LRRTM4: variants seen among roughly 807,000 people sequenced by gnomAD.
LRRTM4 encodes the protein leucine rich repeat transmembrane neuronal 4.
A neutral mutation model predicts 47.6 loss-of-function variants in LRRTM4; 25 were observed. The observed-to-expected ratio is 0.53, with a 90% CI of 0.38 to 0.73. The LOEUF (loss-of-function observed/expected upper bound fraction) is 0.73, where lower values mean the gene tolerates loss of function less well. Among genes scored for constraint, LRRTM4 ranks in the 30% least tolerant of loss-of-function variants. The pLI, the probability that LRRTM4 is intolerant of heterozygous loss-of-function variation, is 0.00. For synonymous variants in LRRTM4, 311 were observed against 269.5 expected (o/e 1.15, Z -1.51); for missense variants, 638 against 713.4 (o/e 0.89, Z 1.20).
chr2:77,288,756 T>C (rs1486029125), intron 3 of LRRTM4, among the ~76,000 whole-genome samples: 2 of 152,072 alleles, frequency 1.3e-5, no homozygotes, highest in Non-Finnish European at 2.9e-5. Flanking sequence ...TACTATGATA[T>C]GTTCAAACTC....
chr2:76,935,442 A>C (rs778708950), intron 3 of LRRTM4, among the ~76,000 whole-genome samples: 1 of 152,170 alleles, frequency 6.6e-6, no homozygotes, highest in African/African-American at 2.4e-5. Flanking sequence ...TACTTTGGGC[A>C]GTATGGCCAT....
At position 77,512,797 on chromosome 2, in the gene LRRTM4, C is replaced by T. The variant is rs2104107829; in HGVS notation, c.1551+5521G>A. ...TATTATTGGGGTGTGTCAAAAGCTA[C>T]ACATTCCTAAGACCACAGACTTCTC... On this transcript the variant is annotated intron_variant, in intron 3 of 3. Coordinates refer to ENST00000409884, the MANE Select transcript of LRRTM4 (RefSeq NM_001134745.3). 2.0e-5 allele frequency among the ~76,000 whole-genome samples: 3 copies of T among 152,184 alleles called. No homozygotes were observed. In the Middle Eastern group the frequency reaches 0.01, roughly 518 times the overall value.
chr2:77,437,380 G>A (rs1367610839), intron 3 of LRRTM4, among the ~76,000 whole-genome samples: 1 of 152,002 alleles, frequency 6.6e-6, no homozygotes, highest in Non-Finnish European at 1.5e-5. Flanking sequence ...ACTCATGCAA[G>A]AAAACAAGGT....
At chr2:77,489,749 G>A (rs1261711168) in intron 3 of LRRTM4, among the ~76,000 whole-genome samples, 1 of 152,138 alleles carries the variant, frequency 6.6e-6, no homozygotes, top group Non-Finnish European at 1.5e-5. Flanking sequence ...AGAGAACCAT[G>A]CCACAAAGAA....
At chr2:77,339,389 T>G (rs757885560) in intron 3 of LRRTM4, among the ~76,000 whole-genome samples, 3 of 152,178 alleles carry the variant, frequency 2.0e-5, no homozygotes, top group Non-Finnish European at 4.4e-5. Flanking sequence ...TTGTTTAATT[T>G]TAGGACGACT....
intron 3 of LRRTM4, among the ~76,000 whole-genome samples, chr2:76,764,454 A>C (rs2104092028): frequency 6.6e-6 from 1 of 152,162 alleles, no homozygotes; most frequent in Middle Eastern, 3.4e-3. Flanking sequence ...ACACGGTGAA[A>C]CCCTGTCTCT....
chr2:77,298,090 G>C (rs1457133626), intron 3 of LRRTM4, among the ~76,000 whole-genome samples: 1 of 152,164 alleles, frequency 6.6e-6, no homozygotes, highest in Admixed American at 6.5e-5. Flanking sequence ...ACTTATCCAA[G>C]ATCAAGAGAC....
At chr2:76,989,047 T>A (rs965304824) in intron 3 of LRRTM4, among the ~76,000 whole-genome samples, 1 of 151,880 alleles carries the variant, frequency 6.6e-6, no homozygotes, top group Non-Finnish European at 1.5e-5. Flanking sequence ...CAAATAATTT[T>A]TCCCAACAAT....
intron 3 of LRRTM4, among the ~76,000 whole-genome samples, chr2:76,802,934 A>C (rs867989319): frequency 6.6e-6 from 1 of 152,162 alleles, no homozygotes; most frequent in Non-Finnish European, 1.5e-5. Context: ...TTCTTATACC[A>C]TACCCAAAAA....
chr2:77,187,159 A>G (rs1673530923), intron 3 of LRRTM4, among the ~76,000 whole-genome samples: 1 of 152,094 alleles, frequency 6.6e-6, no homozygotes, highest in Non-Finnish European at 1.5e-5. Flanking sequence ...GTCTGTAGCC[A>G]ATGTCTGGAT....
chr2:76,814,900 C>CA (rs1481574221), intron 3 of LRRTM4, among the ~76,000 whole-genome samples: 1 of 151,326 alleles, frequency 6.6e-6, no homozygotes, highest in Non-Finnish European at 1.5e-5. Flanking sequence ...ATAAACTGAA[C>CA]AAAAAATGAA....
intron 3 of LRRTM4, among the ~76,000 whole-genome samples, chr2:77,057,763 T>C (rs1679656860): frequency 6.6e-6 from 1 of 152,130 alleles, no homozygotes; most frequent in South Asian, 2.1e-4. Flanking sequence ...CAAGAAGAAC[T>C]GAGTTATTAA....
At chr2:77,475,896 A>T (rs1012147965) in intron 3 of LRRTM4, among the ~76,000 whole-genome samples, 5 of 151,874 alleles carry the variant, frequency 3.3e-5, no homozygotes, top group East Asian at 3.9e-4. Flanking sequence ...TTCTATGCCT[A>T]TTTTTATTTA....
rs374117973 is a variant in LRRTM4, at chr2:77,263,207, C to T, written c.1551+255111G>A. Among the ~76,000 whole-genome samples, 6 of 152,192 alleles carry T rather than the reference C, an allele frequency of 3.9e-5. No homozygotes were observed. In the East Asian group the frequency reaches 9.7e-4, roughly 25 times the overall value. On this transcript the variant is annotated intron_variant, in intron 3 of 3. Coordinates refer to ENST00000409884, the MANE Select transcript of LRRTM4 (RefSeq NM_001134745.3). Reference sequence around the variant, plus strand: ...ATAGAGGTTCCTTGAGAGTGATGCACCTGGAGAGGGCAGGGAATTCCACTC... The same window carrying T: ...ATAGAGGTTCCTTGAGAGTGATGCATCTGGAGAGGGCAGGGAATTCCACTC...
In LRRTM4 at chr2:77,415,870, G is replaced by T. The variant is rs376711650; in HGVS notation, c.1551+102448C>A. Among the ~76,000 whole-genome samples the T allele has an allele frequency of 8.2e-4, 124 of 152,084 alleles. 1 individual carries two copies. The South Asian group carries it at 0.026, about 31-fold the overall frequency. On this transcript the variant is annotated intron_variant, in intron 3 of 3. Coordinates refer to ENST00000409884, the MANE Select transcript of LRRTM4 (RefSeq NM_001134745.3). ...TATAAGAGGTATTCCCTAGATATTT[G>T]TCACATGCATAAATAAATAAAACAC...
At chr2:77,404,733 GA>G (rs202111318) in intron 3 of LRRTM4, among the ~76,000 whole-genome samples, 3 of 151,848 alleles carry the variant, frequency 2.0e-5, no homozygotes, top group Non-Finnish European at 4.4e-5. Context: ...GAATTTCTAT[GA>G]AAAAAAGTGT....
At chr2:76,847,106 G>A (rs565914343) in intron 3 of LRRTM4, among the ~76,000 whole-genome samples, 1 of 152,180 alleles carries the variant, frequency 6.6e-6, no homozygotes, top group Non-Finnish European at 1.5e-5. Flanking sequence ...GCTTTTAAGT[G>A]GAGTCCTTCA....
chr2:76,756,013 C>G (rs2104067123), intron 3 of LRRTM4, among the ~76,000 whole-genome samples: 1 of 152,192 alleles, frequency 6.6e-6, no homozygotes, highest in South Asian at 2.1e-4. Flanking sequence ...ACTGAAAGAG[C>G]AGATGCTTTG....
intron 3 of LRRTM4, among the ~76,000 whole-genome samples, chr2:76,847,840 A>G (rs984480651): frequency 6.6e-6 from 1 of 152,170 alleles, no homozygotes. Flanking sequence ...ATTTAAATTA[A>G]TTTACATAAG....
Sources: allele counts gnomAD v4.1 joint callset (sites outside exome capture counted in the v4.1 genomes callset), GRCh38; gene constraint gnomAD v4.1.1; transcripts MANE v1.5; gene names NCBI Gene and HGNC (gene_info 2026-07-23, HGNC 2026-07-21).